Variants in MYCBP2 observed in about 807,000 individuals in gnomAD.
MYCBP2 encodes E3 ubiquitin-protein ligase MYCBP2.
In MYCBP2, 120 loss-of-function variants were observed where a neutral mutation model predicts 525.3. The ratio of observed to expected loss-of-function variants is 0.23; its 90% CI spans 0.20 to 0.27. The LOEUF (loss-of-function observed/expected upper bound fraction) is 0.27, where lower values mean the gene tolerates loss of function less well. Ranked by LOEUF, MYCBP2 falls within the 10% of genes least tolerant of loss-of-function variation. MYCBP2 has a pLI of 1.00. For synonymous variants in MYCBP2, 1,894 were observed against 1,955.8 expected, an observed-to-expected ratio of 0.97 and a Z score of 0.83; for missense variants, 4,149 against 5,657.1, an observed-to-expected ratio of 0.73 and a Z score of 8.55.
chr13:77,097,662 C>T lies in MYCBP2; in HGVS notation c.9492G>A (p.Val3164=). The T allele has an allele frequency of 6.2e-7, 1 of 1,613,746 alleles. No individual in the cohort carries two copies. Among genetic ancestry groups the T allele is most frequent in the Non-Finnish European group, 8.5e-7 (1 of 1,179,826 alleles). The part of the protein sequence containing the change: ...SPLPLTLQHL[V]AFWEDISLAT... The stretch of plus-strand genomic sequence containing the variant: ...CCAAAGAGATGTCTTCCCAAAAAGC[C>T]ACTAAATGTTGTAAAGTTAAGGGAA... Residue 3164 remains valine (V), a synonymous_variant, in exon 56 of 83, where the codon GTG becomes GTA. Transcript: ENST00000544440.
chr13:77,227,462 CTACACACACACACACACA>C (rs2066434865), intron 18 of MYCBP2, among the ~76,000 whole-genome samples: 1 of 131,034 alleles, frequency 7.6e-6, no homozygotes, highest in African/African-American at 2.9e-5. Context: ...ATGCAAAAGC[CTACACACACACACACACA>C]TACACACACA....
At chr13:77,078,932 C>T (rs1370727555) in intron 65 of MYCBP2, 43 bp from the exon 66 acceptor site, 2 of 1,495,808 alleles carry the variant, frequency 1.3e-6, no homozygotes, top group African/African-American at 1.4e-5. Context: ...TATATTCCTG[C>T]TTCAGAACTT....
In MYCBP2 at chr13:77,056,996, G is replaced by A; in HGVS notation, c.13427C>T (p.Pro4476Leu). 1 of 1,608,842 alleles carries A rather than the reference G, an allele frequency of 6.2e-7. No individual in the cohort carries two copies. The highest frequency in any genetic ancestry group is 1.7e-5 in the Admixed American group (1 of 59,986). ...PRITFGFISCPICKNKINHIV... is the reference protein window; with the variant it reads ...PRITFGFISCLICKNKINHIV... ...AGATTCTTTCCATACCTTGCAAATG[G>A]GACAAGATATAAATCCAAATGTTAT... Residue 4476 changes from proline (P) to leucine (L), a missense_variant, in exon 79 of 83, where the codon CCC (proline) becomes CTC (leucine). Physicochemically the swap from Pro to Leu is moderately conservative, Grantham distance 98. This residue lies in a region of MYCBP2 where 220 missense variants were observed against 396.0 expected (regional missense o/e 0.56). Transcript: ENST00000544440.
chr13:77,316,954 T>TG (rs2081022030), intron 1 of MYCBP2, among the ~76,000 whole-genome samples: 1 of 150,932 alleles, frequency 6.6e-6, no homozygotes, highest in Non-Finnish European at 1.5e-5. Flanking sequence ...TTTTTGTTGT[T>TG]TTTTTTTTGT....
chr13:77,064,719 C>G lies in MYCBP2; in HGVS notation c.12568G>C (p.Ala4190Pro), dbSNP rs779848565. ...GCATTTTTTGTCACTCGGGACCAAG[C>G]TTCTGACAGATGACCCTATTGAGCA... ...KDMAAGHLSEAWSRVTKNAIA... is the reference protein window; with the variant it reads ...KDMAAGHLSEPWSRVTKNAIA... The change falls in exon 73 of 83, where the codon GCT (alanine) becomes CCT (proline). Residue 4190 changes from alanine (A) to proline (P), a missense_variant. Transcript: ENST00000544440. 1 of 1,613,778 alleles carries G rather than the reference C, an allele frequency of 6.2e-7. No homozygotes were observed. The highest frequency in any genetic ancestry group is 1.1e-5 in the South Asian group (1 of 91,066).
intron 66 of MYCBP2, 184 bp from the exon 67 acceptor site, chr13:77,077,571 A>C: frequency 1.5e-6 from 1 of 661,290 alleles, no homozygotes; most frequent in South Asian, 2.0e-5. Context: ...TATTTATAGT[A>C]GCTATTACAC....
chr13:77,190,211 AATAAT>A, intron 29 of MYCBP2, 36 bp downstream of exon 29: 1 of 1,323,546 alleles, frequency 7.6e-7, no homozygotes, highest in Admixed American at 1.9e-5. Context: ...ATTATAGCAA[AATAAT>A]AAACCATACT....
chr13:77,155,336 T>A (rs2057076857), intron 46 of MYCBP2, among the ~76,000 whole-genome samples: 1 of 152,160 alleles, frequency 6.6e-6, no homozygotes, highest in South Asian at 2.1e-4. Flanking sequence ...AAGGATTTTG[T>A]GGCTTAATCA....
intron 68 of MYCBP2, 116 bp from the exon 69 acceptor site, chr13:77,070,827 G>C (rs1293184838): frequency 1.4e-5 from 8 of 581,728 alleles, no homozygotes; most frequent in Admixed American, 3.6e-5. Context: ...TATTTTTAAA[G>C]TAAATTTATT....
intron 2 of MYCBP2, among the ~76,000 whole-genome samples, chr13:77,292,474 A>G (rs2077581705): frequency 6.6e-6 from 1 of 152,076 alleles, no homozygotes; most frequent in African/African-American, 2.4e-5. Context: ...GGAATGAACT[A>G]TTGATATACA....
At chr13:77,091,025 TTC>T (rs1442226656) in intron 59 of MYCBP2, among the ~76,000 whole-genome samples, 3 of 152,174 alleles carry the variant, frequency 2.0e-5, no homozygotes, top group Admixed American at 6.5e-5. Flanking sequence ...GAGCTCCTTT[TTC>T]TGTCACCTGA....
In MYCBP2 at chr13:77,097,707, T is replaced by C. The variant is rs536696450; in HGVS notation, c.9447A>G (p.Thr3149=). The C allele has an allele frequency of 6.2e-7, 1 of 1,613,688 alleles. No individual in the cohort carries two copies. The highest frequency in any genetic ancestry group is 2.2e-5 in the East Asian group (1 of 44,830). ...ETTFEMSMHN[T]MKSKSPLPLT... is the part of the protein sequence containing the mutation. ...AGGGAAGAGGAGACTTAGACTTCAT[T>C]GTGTTATGCATGGACATTTCAAAAG... Residue 3149 remains threonine, a synonymous_variant, in exon 56 of 83, where the codon ACA becomes ACG. Transcript: ENST00000544440.
At position 77,059,549 on chromosome 13, in the gene MYCBP2, T is replaced by G. The variant is rs1448089755; in HGVS notation, c.13114A>C (p.Ser4372Arg). 6.2e-7 allele frequency: 1 copy of G among 1,613,878 alleles called. No homozygotes were observed. The highest frequency in any genetic ancestry group is 2.2e-5 in the East Asian group (1 of 44,890). ...RSGTELSAVG[S>R]VCSDADCQEY... ...TGGCAATCTGCATCAGAACAAACACTGCCAACAGCAGATAACTCTGTTCCA... is the reference window on the plus strand; with the variant it reads ...TGGCAATCTGCATCAGAACAAACACGGCCAACAGCAGATAACTCTGTTCCA... Residue 4372 changes from serine (S) to arginine (R), a missense_variant, in exon 77 of 83, where the codon AGT (serine) becomes CGT (arginine). Around this residue, in one of 21 missense-constraint regions of MYCBP2, gnomAD observed 220 missense variants for 396.0 expected, o/e 0.56. Transcript: ENST00000544440.
intron 14 of MYCBP2, 30 bp from the exon 15 acceptor site, chr13:77,251,385 T>G: frequency 1.3e-6 from 2 of 1,584,882 alleles, no homozygotes; most frequent in Non-Finnish European, 1.7e-6. Context: ...GTAATTTTTA[T>G]ACAGGTTACT....
intron 18 of MYCBP2, among the ~76,000 whole-genome samples, chr13:77,231,399 T>G (rs1460332671): frequency 6.6e-6 from 1 of 152,054 alleles, no homozygotes; most frequent in Non-Finnish European, 1.5e-5. Context: ...CTGGGCTTAT[T>G]ATTGTTATCA....
intron 82 of MYCBP2, among the ~76,000 whole-genome samples, chr13:77,048,217 C>A (rs1331679069): frequency 6.6e-6 from 1 of 152,008 alleles, no homozygotes; most frequent in Non-Finnish European, 1.5e-5. Flanking sequence ...GGAGAGGCCC[C>A]CTGCCCTTCC....
rs371574146 is a variant in MYCBP2 at position 77,224,444 on chromosome 13, C to G, written c.2939+7G>C. 17 of 1,574,130 alleles carry G rather than the reference C, an allele frequency of 1.1e-5. No homozygotes were observed. Among genetic ancestry groups the G allele is most frequent in the Non-Finnish European group, 1.5e-5 (17 of 1,151,722 alleles). On this transcript the variant is annotated splice_region_variant and intron_variant, in intron 20 of 82. Coordinates refer to ENST00000544440, the MANE Select transcript of MYCBP2 (RefSeq NM_015057.5). The stretch of plus-strand genomic sequence containing the variant: ...TCTGGATCTTCAAATGAAAAGTTAG[C>G]AAGTACCTGGAGTTGACATCTCCAT...
rs566611123 is a variant in MYCBP2 at position 77,218,047 on chromosome 13, A to G, written c.2940-90T>C. ...GTAAGCAATGCAACAAGGAGTAGGA[A>G]AGATAAAAGGCACTCATAAGAATAT... On this transcript the variant is annotated intron_variant, in intron 20 of 82. Coordinates refer to ENST00000544440, the MANE Select transcript of MYCBP2 (RefSeq NM_015057.5). The G allele has an allele frequency of 5.1e-6, 4 of 791,536 alleles. No individual in the cohort carries two copies. In the East Asian group the frequency reaches 1.0e-4, roughly 21 times the overall value. The allele number at this position is 791,536 out of a possible 1,614,324, so 49.0% of individuals were successfully genotyped here. A position where few individuals can be genotyped will look rare whatever the true frequency, so the allele number is the denominator to read the frequency against.
chr13:77,212,467 G>T (rs1471610445), intron 21 of MYCBP2, among the ~76,000 whole-genome samples: 3 of 152,096 alleles, frequency 2.0e-5, no homozygotes, highest in Admixed American at 2.0e-4. Context: ...TAAATGAAAA[G>T]TACGACAAAT....
Sources: gnomAD v4.1 joint callset for allele counts (sites outside exome capture counted in the v4.1 genomes callset) on GRCh38, gnomAD v4.1.1 for gene constraint, gnomAD v4.1.1 regional missense constraint, MANE v1.5 for transcripts, NCBI Gene and HGNC (gene_info 2026-07-23, HGNC 2026-07-21) for gene names.